Variants in METTL8 observed in about 807,000 individuals in gnomAD.
METTL8 encodes methyltransferase 8, tRNA N3-cytidine.
In METTL8, 32 loss-of-function variants were observed where a neutral mutation model predicts 48.7. That is an observed-to-expected ratio of 0.66 (90% CI 0.50 to 0.88). METTL8 has a LOEUF of 0.88. METTL8 is among the 40% of genes least tolerant of loss of function. The pLI is 0.00. For missense variants in METTL8, 464 were observed against 474.4 expected (o/e 0.98, Z 0.20); for synonymous variants, 136 against 157.1 (o/e 0.87, Z 1.01).
At chr2:171,429,592 G>T (rs967185596) in intron 1 of METTL8, among the ~76,000 whole-genome samples, 1 of 152,044 alleles carries the variant, frequency 6.6e-6, no homozygotes, top group African/African-American at 2.4e-5. Context: ...GTGTATAAAA[G>T]ATACAACACA....
chr2:171,378,351 T>C (rs1479064700), intron 2 of METTL8, among the ~76,000 whole-genome samples: 1 of 152,178 alleles, frequency 6.6e-6, no homozygotes, highest in African/African-American at 2.4e-5. Flanking sequence ...GGGCATTACA[T>C]GGCTGGATGC....
intron 6 of METTL8, among the ~76,000 whole-genome samples, chr2:171,331,035 G>T (rs1048616364): frequency 6.6e-6 from 1 of 152,164 alleles, no homozygotes; most frequent in African/African-American, 2.4e-5. Context: ...TTTGGACTAC[G>T]ATTATTCATG....
chr2:171,370,577 G>T (rs903071868), intron 2 of METTL8, among the ~76,000 whole-genome samples: 22 of 152,202 alleles, frequency 1.4e-4, no homozygotes, highest in South Asian at 4.2e-4. Context: ...AGATCATGAG[G>T]TAAGGAGATC....
intron 1 of METTL8, among the ~76,000 whole-genome samples, chr2:171,424,314 G>C (rs544930780): frequency 1.3e-5 from 2 of 152,308 alleles, no homozygotes; most frequent in South Asian, 4.1e-4. Flanking sequence ...CTGGGACACT[G>C]CCTAGTGGAG....
chr2:171,379,983 T>C (rs760546282), intron 2 of METTL8, among the ~76,000 whole-genome samples: 33 of 152,170 alleles, frequency 2.2e-4, no homozygotes, highest in Non-Finnish European at 3.7e-4. Flanking sequence ...CTGATGAACA[T>C]TGATGCAAAA....
upstream of METTL8, chr2:171,434,710 G>C (rs1345997002): frequency 4.1e-6 from 6 of 1,459,352 alleles, no homozygotes; most frequent in African/African-American, 1.5e-5. Flanking sequence ...CCAGGTGACC[G>C]CCAGCCGGCC....
chr2:171,344,147 C>T (rs1280333143), intron 3 of METTL8, among the ~76,000 whole-genome samples: 3 of 152,172 alleles, frequency 2.0e-5, no homozygotes, highest in East Asian at 3.8e-4. Context: ...ACACATATTA[C>T]GTGTTTATTA....
At chr2:171,380,925 GA>G (rs914125854) in intron 2 of METTL8, among the ~76,000 whole-genome samples, 15 of 152,150 alleles carry the variant, frequency 9.9e-5, no homozygotes, top group Admixed American at 7.2e-4. Flanking sequence ...AACTAAAAAA[GA>G]GCCCATATAG....
chr2:171,365,949 G>A (rs1363534558), intron 2 of METTL8, among the ~76,000 whole-genome samples: 2 of 152,236 alleles, frequency 1.3e-5, no homozygotes, highest in East Asian at 3.8e-4. Flanking sequence ...GTCTCACTGA[G>A]TGGCAGTTTC....
Position 171,316,607 on chromosome 2 carries a change from T to C in METTL8, c.*7565A>G, listed in dbSNP as rs923454974. On this transcript the variant is annotated 3_prime_UTR_variant, in exon 10 of 10. Coordinates refer to ENST00000375258, the MANE Select transcript of METTL8 (RefSeq NM_001321154.2). ...GAGTGGTGGATTAAGAATATATTCA[T>C]GGAAAGGATAGATCTTCCTTGCTTT... Among the ~76,000 whole-genome samples, 6 of 152,346 alleles carry C rather than the reference T, an allele frequency of 3.9e-5. No homozygotes were observed. Among genetic ancestry groups the C allele is most frequent in the African/African-American group, 1.2e-4 (5 of 41,588 alleles).
intron 3 of METTL8, among the ~76,000 whole-genome samples, chr2:171,354,902 C>G (rs549341046): frequency 2.6e-5 from 4 of 151,976 alleles, no homozygotes; most frequent in Non-Finnish European, 5.9e-5. Flanking sequence ...GCAATGGGCT[C>G]GAACATCCTC....
chr2:171,360,471 T>C lies in METTL8; in HGVS notation c.186A>G (p.Arg62=). 3 of 1,613,934 alleles carry C rather than the reference T, an allele frequency of 1.9e-6. No homozygotes were observed. Among genetic ancestry groups the C allele is most frequent in the Non-Finnish European group, 2.5e-6 (3 of 1,179,966 alleles). The part of the protein sequence containing the change: ...QWSKEEEAAA[R]KKVKENSAVR... ...CAGCTGAGTTTTCTTTTACTTTTTT[T>C]CTGGCTGCTGCTTCTTCTTCCTTAG... The change falls in exon 3 of 10, where the codon AGA becomes AGG. Residue 62 remains arginine (R), a synonymous_variant. Coordinates refer to ENST00000375258, the MANE Select transcript of METTL8 (RefSeq NM_001321154.2).
intron 1 of METTL8, among the ~76,000 whole-genome samples, chr2:171,428,042 GAATT>G (rs1397891277): frequency 1.3e-5 from 2 of 152,022 alleles, no homozygotes; most frequent in Non-Finnish European, 2.9e-5. Context: ...ATTAACTTTT[GAATT>G]AATATTTCTT....
rs955038339 is a variant in METTL8, at chr2:171,323,075, T to G, written c.*1097A>C. The G allele has an allele frequency of 6.6e-6, 1 of 152,234 alleles. No individual in the cohort carries two copies. Among genetic ancestry groups the G allele is most frequent in the African/African-American group, 2.4e-5 (1 of 41,458 alleles). The allele number at this position is 152,234 out of a possible 1,614,324, so 9.4% of individuals were successfully genotyped here. ...GGTCTGTATGACCTGTATCTTGTAC[T>G]GACTTCCTATCTCATCCTGTGACTA... On this transcript the variant is annotated 3_prime_UTR_variant, in exon 10 of 10. Transcript: ENST00000375258.
At chr2:171,354,768 A>T (rs1203475251) in intron 3 of METTL8, among the ~76,000 whole-genome samples, 1 of 152,204 alleles carries the variant, frequency 6.6e-6, no homozygotes, top group Non-Finnish European at 1.5e-5. Context: ...TGAAGCTTGT[A>T]CATGCGTCAC....
intron 5 of METTL8, among the ~76,000 whole-genome samples, chr2:171,335,690 G>A (rs1346910387): frequency 6.6e-6 from 1 of 152,164 alleles, no homozygotes; most frequent in Non-Finnish European, 1.5e-5. Context: ...CTCCCAAAGT[G>A]CTGGGATTAC....
At chr2:171,369,353 T>C (rs937113230) in intron 2 of METTL8, among the ~76,000 whole-genome samples, 47 of 152,186 alleles carry the variant, frequency 3.1e-4, no homozygotes, top group African/African-American at 1.1e-3. Flanking sequence ...TAAGCACATA[T>C]CTGTGAGAGA....
chr2:171,403,909 C>G (rs1372993957), intron 1 of METTL8, among the ~76,000 whole-genome samples: 1 of 150,800 alleles, frequency 6.6e-6, no homozygotes, highest in African/African-American at 2.4e-5. Context: ...ATGCAACAAA[C>G]AGAATTTTAA....
intron 7 of METTL8, 167 bp from the exon 8 acceptor site, chr2:171,326,315 A>G: frequency 1.8e-6 from 1 of 545,308 alleles, no homozygotes; most frequent in Non-Finnish European, 3.2e-6. Context: ...AAGAAGAAAA[A>G]ACCAAAACCA....
Sources: gnomAD v4.1 joint callset for allele counts (sites outside exome capture counted in the v4.1 genomes callset) on GRCh38, gnomAD v4.1.1 for gene constraint, MANE v1.5 for transcripts, NCBI Gene and HGNC (gene_info 2026-07-23, HGNC 2026-07-21) for gene names.